ME3: variants seen among roughly 807,000 people sequenced by gnomAD.
ME3 encodes the protein malic enzyme 3.
Under a neutral mutation model 68.9 loss-of-function variants are expected in ME3, and 48 were observed. The observed-to-expected ratio is 0.70, with a 90% CI of 0.55 to 0.89. ME3 has a LOEUF of 0.89. Ranked by LOEUF, ME3 falls within the 40% of genes least tolerant of loss-of-function variation. ME3 has a pLI of 0.00. For missense variants in ME3, 675 were observed against 797.4 expected (o/e 0.85, Z 1.85); for synonymous variants, 320 against 318.8 (o/e 1.00, Z -0.04).
intron 2 of ME3, among the ~76,000 whole-genome samples, chr11:86,602,174 G>T (rs1370633699): frequency 1.3e-5 from 2 of 151,398 alleles, no homozygotes; most frequent in Non-Finnish European, 2.9e-5. Flanking sequence ...GTCCCTGTTT[G>T]CAGATGACAT....
intron 2 of ME3, among the ~76,000 whole-genome samples, chr11:86,606,900 G>C (rs1313091811): frequency 1.3e-5 from 2 of 152,136 alleles, no homozygotes; most frequent in Non-Finnish European, 2.9e-5. Flanking sequence ...GTAAATATGT[G>C]AGGTTGCTGT....
rs540196561 is a variant in ME3, at chr11:86,643,661, AC to A, written c.183+28100del. 3.1e-3 allele frequency among the ~76,000 whole-genome samples: 474 copies of A among 152,332 alleles called. 4 individuals carry two copies. Among genetic ancestry groups the A allele is most frequent in the Non-Finnish European group, 5.5e-3 (373 of 68,024 alleles). Reference sequence around the variant, plus strand: ...AACTTGGACAAATTATTGATAACATACTTTTAATATAATATGAAACCTATTA... The same window carrying A: ...AACTTGGACAAATTATTGATAACATATTTTAATATAATATGAAACCTATTA... On this transcript the variant is annotated intron_variant, in intron 2 of 14. Transcript: ENST00000543262.
intron 2 of ME3, among the ~76,000 whole-genome samples, chr11:86,628,190 G>A (rs1943783525): frequency 6.6e-6 from 1 of 152,208 alleles, no homozygotes; most frequent in African/African-American, 2.4e-5. Context: ...ATGCCAGTAT[G>A]TAGGAGTCAA....
chr11:86,555,352 A>T (rs2139436577), intron 4 of ME3, among the ~76,000 whole-genome samples: 1 of 152,358 alleles, frequency 6.6e-6, no homozygotes, highest in East Asian at 1.9e-4. Flanking sequence ...AGAGTCCTGC[A>T]TCCTTCAGAA....
intron 2 of ME3, among the ~76,000 whole-genome samples, chr11:86,659,140 T>C (rs1032638178): frequency 6.6e-6 from 1 of 152,214 alleles, no homozygotes; most frequent in East Asian, 1.9e-4. Flanking sequence ...AACTGGGAAC[T>C]CACACAGTCA....
intron 2 of ME3, among the ~76,000 whole-genome samples, chr11:86,666,575 A>G (rs1946600295): frequency 6.6e-6 from 1 of 152,254 alleles, no homozygotes; most frequent in Admixed American, 6.5e-5. Context: ...GACAGTATTC[A>G]ACAGAGAAAA....
intron 2 of ME3, among the ~76,000 whole-genome samples, chr11:86,654,131 G>A (rs1275709664): frequency 1.3e-5 from 2 of 152,108 alleles, no homozygotes; most frequent in African/African-American, 4.8e-5. Context: ...AAAAATCCAG[G>A]ACCAGATGGA....
intron 2 of ME3, among the ~76,000 whole-genome samples, chr11:86,647,453 C>G (rs150005205): frequency 1.2e-3 from 188 of 151,464 alleles, no homozygotes; most frequent in Admixed American, 4.0e-3. Context: ...CCACTGCACT[C>G]CAGCCTGGGA....
At chr11:86,528,320 T>G (rs1954925848) in intron 4 of ME3, among the ~76,000 whole-genome samples, 1 of 152,190 alleles carries the variant, frequency 6.6e-6, no homozygotes, top group Non-Finnish European at 1.5e-5. Context: ...CCTAAGTATA[T>G]ATGCACTGAA....
intron 4 of ME3, among the ~76,000 whole-genome samples, chr11:86,554,409 T>A (rs200401905): frequency 6.6e-6 from 1 of 152,214 alleles, no homozygotes; most frequent in East Asian, 1.9e-4. Flanking sequence ...ATTTTGGGTT[T>A]GGTTTCCTTC....
intron 2 of ME3, among the ~76,000 whole-genome samples, chr11:86,607,055 T>C (rs1256967058): frequency 6.6e-6 from 1 of 152,234 alleles, no homozygotes; most frequent in African/African-American, 2.4e-5. Flanking sequence ...TTGTTATTGT[T>C]GTTGTTGTCA....
At chr11:86,523,286 T>C (rs1384785213) in intron 4 of ME3, among the ~76,000 whole-genome samples, 1 of 152,228 alleles carries the variant, frequency 6.6e-6, no homozygotes, top group Non-Finnish European at 1.5e-5. Context: ...AGGTATATGT[T>C]GTTGTCCTCA....
At chr11:86,639,383 C>G (rs1212766561) in intron 2 of ME3, among the ~76,000 whole-genome samples, 2 of 152,292 alleles carry the variant, frequency 1.3e-5, no homozygotes, top group East Asian at 3.9e-4. Context: ...AATTAGTGCT[C>G]AGTTTCTTGA....
chr11:86,467,415 A>G (rs1206513139), intron 7 of ME3, among the ~76,000 whole-genome samples: 1 of 151,742 alleles, frequency 6.6e-6, no homozygotes, highest in Non-Finnish European at 1.5e-5. Context: ...GATAAATAAA[A>G]CCTCCCATGC....
chr11:86,663,533 C>T (rs575792082), intron 2 of ME3, among the ~76,000 whole-genome samples: 78 of 152,244 alleles, frequency 5.1e-4, no homozygotes, highest in Middle Eastern at 6.8e-3. Flanking sequence ...AAGGATTTCC[C>T]GATATACTTT....
At chr11:86,575,832 A>T (rs1217120265) in intron 2 of ME3, among the ~76,000 whole-genome samples, 2 of 152,266 alleles carry the variant, frequency 1.3e-5, no homozygotes, top group Non-Finnish European at 1.5e-5. Context: ...CATGTGTTAA[A>T]TAAATGAACA....
intron 2 of ME3, among the ~76,000 whole-genome samples, chr11:86,647,380 G>A (rs2135412046): frequency 6.6e-6 from 1 of 152,148 alleles, no homozygotes; most frequent in Non-Finnish European, 1.5e-5. Flanking sequence ...AGCTACTCGG[G>A]AGGCTGAGGC....
chr11:86,525,072 C>T (rs572813477), intron 4 of ME3, among the ~76,000 whole-genome samples: 3 of 152,292 alleles, frequency 2.0e-5, no homozygotes, highest in South Asian at 4.1e-4. Flanking sequence ...ACTTGCAAAA[C>T]ATTGATATTA....
intron 2 of ME3, among the ~76,000 whole-genome samples, chr11:86,565,352 T>C (rs930760796): frequency 6.6e-6 from 1 of 152,202 alleles, no homozygotes; most frequent in African/African-American, 2.4e-5. Context: ...AGAATTACCA[T>C]ATGACCCAGC....
Sources: allele counts gnomAD v4.1 joint callset (sites outside exome capture counted in the v4.1 genomes callset), GRCh38; gene constraint gnomAD v4.1.1; transcripts MANE v1.5; gene names NCBI Gene and HGNC (gene_info 2026-07-23, HGNC 2026-07-21).